Variants in G3BP1 observed in about 807,000 individuals in gnomAD.
The protein encoded by G3BP1 is G3BP stress granule assembly factor 1.
In G3BP1, 35 loss-of-function variants were observed where a neutral mutation model predicts 58.6. The observed-to-expected ratio is 0.60, with a 90% CI of 0.46 to 0.79. G3BP1 has a LOEUF of 0.79. G3BP1 is among the 30% of genes least tolerant of loss of function. The pLI is 0.00. For synonymous variants in G3BP1, 191 were observed against 195.4 expected (o/e 0.98, Z 0.19); for missense variants, 523 against 580.8 (o/e 0.90, Z 1.02).
rs1328487172 is a variant in G3BP1, at chr5:151,809,387, G to A, written c.*5296G>A. The A allele has an allele frequency of 2.0e-5, 3 of 152,154 alleles. No homozygotes were observed. Among genetic ancestry groups the A allele is most frequent in the Non-Finnish European group, 4.4e-5 (3 of 68,034 alleles). 9.4% of individuals were successfully genotyped at this position (152,154 alleles called of 1,614,324 possible). ...TGAAAAATCATTTGGTGCATGCTAA[G>A]GTAGCTTGTAGGACATGTGGTTTTA... is the stretch of plus-strand genomic sequence containing the variant. On this transcript the variant is annotated 3_prime_UTR_variant, in exon 12 of 12. Coordinates refer to ENST00000356245, the MANE Select transcript of G3BP1 (RefSeq NM_005754.3).
chr5:151,792,996 G>A (rs1317265443), intron 4 of G3BP1, among the ~76,000 whole-genome samples: 2 of 152,160 alleles, frequency 1.3e-5, no homozygotes, highest in Non-Finnish European at 2.9e-5. Flanking sequence ...ACTCAGGTGT[G>A]TCTTATACCT....
Position 151,794,266 on chromosome 5 carries a change from TTTAAA to T in G3BP1, c.442+21_442+25del, listed in dbSNP as rs1256943180. 7.0e-7 allele frequency: 1 copy of T among 1,438,554 alleles called. No homozygotes were observed. Among genetic ancestry groups the T allele is most frequent in the Non-Finnish European group, 9.8e-7 (1 of 1,020,552 alleles). 89.1% of individuals were successfully genotyped at this position (1,438,554 alleles called of 1,614,324 possible). A position where few individuals can be genotyped will look rare whatever the true frequency, so the allele number is the denominator to read the frequency against. The stretch of plus-strand genomic sequence containing the variant: ...CTCAGGAGGGTAAGTAGTGAAATAC[TTTAAA>T]TTACTTGTCTAAATTTTTTTTAATG... On this transcript the variant is annotated intron_variant, in intron 5 of 11. Transcript: ENST00000356245.
intron 1 of G3BP1, among the ~76,000 whole-genome samples, chr5:151,773,468 T>A (rs1291318371): frequency 1.3e-5 from 2 of 152,214 alleles, no homozygotes; most frequent in Non-Finnish European, 2.9e-5. Context: ...TTTACTCTGC[T>A]GGGTTCTTGT....
At chr5:151,799,034 A>G (rs181134250) in intron 7 of G3BP1, among the ~76,000 whole-genome samples, 178 bp from the exon 8 acceptor site, 113 of 152,304 alleles carry the variant, frequency 7.4e-4, no homozygotes, top group Admixed American at 1.8e-3. Flanking sequence ...AGTCCCAAGG[A>G]ATTTCAGTAC....
intron 5 of G3BP1, among the ~76,000 whole-genome samples, chr5:151,795,168 C>A (rs972438771): frequency 1.7e-4 from 26 of 152,114 alleles, no homozygotes; most frequent in African/African-American, 6.3e-4. Flanking sequence ...CCTAGCTATT[C>A]GGGAGACTGA....
intron 1 of G3BP1, among the ~76,000 whole-genome samples, chr5:151,784,499 T>C (rs993838328): frequency 6.6e-6 from 1 of 152,330 alleles, no homozygotes; most frequent in South Asian, 2.1e-4. Flanking sequence ...GTGTCTGTTA[T>C]GTGTCAGACA....
rs1762927662 is a variant in G3BP1, at chr5:151,805,502, C to T, written c.*1411C>T. On this transcript the variant is annotated 3_prime_UTR_variant, in exon 12 of 12. Coordinates refer to ENST00000356245, the MANE Select transcript of G3BP1 (RefSeq NM_005754.3). Reference sequence around the variant, plus strand: ...TGAAGGGCAACCAGGTTGTAAAATTCAGCGTATTTATTTTCTTAACAGTAT... The same window carrying T: ...TGAAGGGCAACCAGGTTGTAAAATTTAGCGTATTTATTTTCTTAACAGTAT... The T allele has an allele frequency of 6.6e-6, 1 of 152,180 alleles. No homozygotes were observed. Among genetic ancestry groups the T allele is most frequent in the Admixed American group, 6.6e-5 (1 of 15,266 alleles). 9.4% of individuals were successfully genotyped at this position (152,180 alleles called of 1,614,324 possible).
chr5:151,812,408 A>C lies in G3BP1; in HGVS notation c.*8317A>C, dbSNP rs879199487. ...CATTTTTGGAATAAAGGAAATGTAA[A>C]ATTATTTGCAGAATAATAACCTGGG... On this transcript the variant is annotated 3_prime_UTR_variant, in exon 12 of 12. Transcript: ENST00000356245. 3.3e-5 allele frequency: 5 copies of C among 152,186 alleles called. No homozygotes were observed. In the South Asian group the frequency reaches 1.0e-3, roughly 31 times the overall value. The allele number at this position is 152,186 out of a possible 1,614,324, so 9.4% of individuals were successfully genotyped here.
intron 4 of G3BP1, 80 bp downstream of exon 4, chr5:151,791,142 A>G (rs1410472527): frequency 8.3e-7 from 1 of 1,211,950 alleles, no homozygotes; most frequent in Admixed American, 1.7e-5. Flanking sequence ...ATCTTTAAAA[A>G]CACTTGAAAT....
At chr5:151,795,013 C>T (rs1184793155) in intron 5 of G3BP1, among the ~76,000 whole-genome samples, 1 of 152,226 alleles carries the variant, frequency 6.6e-6, no homozygotes, top group Non-Finnish European at 1.5e-5. Flanking sequence ...CGCGGTGGCT[C>T]ACGCCTGTAA....
chr5:151,795,359 G>T (rs950291341), intron 5 of G3BP1, 120 bp from the exon 6 acceptor site: 1 of 620,704 alleles, frequency 1.6e-6, no homozygotes, highest in East Asian at 2.8e-5. Flanking sequence ...TTACCAAATT[G>T]TCCTACTTTG....
At position 151,811,187 on chromosome 5, in the gene G3BP1, T is replaced by C. The variant is rs921645877; in HGVS notation, c.*7096T>C. 6.6e-6 allele frequency: 1 copy of C among 152,212 alleles called. No individual in the cohort carries two copies. The highest frequency in any genetic ancestry group is 1.9e-4 in the East Asian group (1 of 5,202). 9.4% of individuals were successfully genotyped at this position (152,212 alleles called of 1,614,324 possible). A position where few individuals can be genotyped will look rare whatever the true frequency, so the allele number is the denominator to read the frequency against. ...CTTAACCTCTTACTCCAGCCTACTT[T>C]ATACACAATGTTAGATTCATCTTAC... On this transcript the variant is annotated 3_prime_UTR_variant, in exon 12 of 12. Transcript: ENST00000356245.
rs148410670 is a variant in G3BP1 at position 151,791,801 on chromosome 5, C to T, written c.351+739C>T. On this transcript the variant is annotated intron_variant, in intron 4 of 11. Transcript: ENST00000356245. ...CCTCCCGAGTAGCTGGGACTATAGG[C>T]GTGTGCTACCGTACTCGGCTGATTT... 141 of 249,288 alleles carry T rather than the reference C, an allele frequency of 5.7e-4. 4 individuals carry two copies. In the East Asian group the frequency reaches 0.016, roughly 28 times the overall value. The allele number at this position is 249,288 out of a possible 1,614,324, so 15.4% of individuals were successfully genotyped here.
chr5:151,791,171 T>G (rs1017688352), intron 4 of G3BP1, 109 bp downstream of exon 4: 1 of 951,134 alleles, frequency 1.1e-6, no homozygotes, highest in African/African-American at 1.6e-5. Flanking sequence ...TACAGAAAAC[T>G]TGGAATAATA....
At chr5:151,787,017 ATTT>A (rs1184904343) in intron 2 of G3BP1, 1,310 of 116,422 alleles carry the variant, frequency 0.011, 14 homozygotes, top group African/African-American at 0.036. Flanking sequence ...TAATTTTTGT[ATTT>A]TTTTTTTTTT....
chr5:151,781,032 T>C (rs763916299), intron 1 of G3BP1, among the ~76,000 whole-genome samples: 5 of 152,128 alleles, frequency 3.3e-5, no homozygotes, highest in Admixed American at 6.5e-5. Flanking sequence ...TGGAAAATTT[T>C]TTTTGGAGAT....
rs1163454464 is a variant in G3BP1, at chr5:151,797,281, T to TGAACCA, written c.605_610dup (p.Pro202_Glu203dup). The TGAACCA allele has an allele frequency of 6.2e-7, 1 of 1,613,274 alleles. No homozygotes were observed. The highest frequency in any genetic ancestry group is 8.5e-7 in the Non-Finnish European group (1 of 1,179,274). ...CTGTTGCTGAACCAGAGCCTGATCC[T>TGAACCA]GAACCAGAACCAGAACAAGAACCTG... On this transcript the variant is annotated inframe_insertion, in exon 7 of 12. Transcript: ENST00000356245.
At chr5:151,795,723 C>T (rs575319281) in intron 6 of G3BP1, 148 bp downstream of exon 6, 5 of 523,146 alleles carry the variant, frequency 9.6e-6, no homozygotes, top group Non-Finnish European at 1.4e-5. Flanking sequence ...GTAATTTTGA[C>T]TAAACAAAAA....
chr5:151,783,158 T>G (rs1762500226), intron 1 of G3BP1, among the ~76,000 whole-genome samples: 1 of 152,020 alleles, frequency 6.6e-6, no homozygotes, highest in Non-Finnish European at 1.5e-5. Flanking sequence ...CACCCAGCCT[T>G]TCTGTGACTA....
Sources: gnomAD v4.1 joint callset for allele counts (sites outside exome capture counted in the v4.1 genomes callset) on GRCh38, gnomAD v4.1.1 for gene constraint, MANE v1.5 for transcripts, NCBI Gene and HGNC (gene_info 2026-07-23, HGNC 2026-07-21) for gene names.